The following PEAK1 variants were observed in gnomAD, a reference collection of about 807,000 sequenced individuals.
PEAK1 encodes the protein inactive tyrosine-protein kinase PEAK1.
In PEAK1, 54 loss-of-function variants were observed where a neutral mutation model predicts 124.7. That is an observed-to-expected ratio of 0.43 (90% CI 0.35 to 0.54). The LOEUF is 0.54. Among genes scored for constraint, PEAK1 ranks in the 20% least tolerant of loss-of-function variants. The probability of loss-of-function intolerance (pLI) is 0.01; values close to 1 mark genes in which losing one functional copy is unlikely to be tolerated. For synonymous variants in PEAK1, 719 were observed against 760.0 expected, an observed-to-expected ratio of 0.95 and a Z score of 0.89; for missense variants, 2,046 against 2,134.5, an observed-to-expected ratio of 0.96 and a Z score of 0.82.
At chr15:77,376,392 T>TG (rs1012294095) in intron 1 of PEAK1, among the ~76,000 whole-genome samples, 53 of 151,552 alleles carry the variant, frequency 3.5e-4, no homozygotes, top group Middle Eastern at 6.8e-3. Context: ...GTTAAGGGGG[T>TG]GGGGGGGAAG....
chr15:77,169,046 C>T (rs1487557200), intron 7 of PEAK1, among the ~76,000 whole-genome samples: 1 of 152,132 alleles, frequency 6.6e-6, no homozygotes, highest in Non-Finnish European at 1.5e-5. Flanking sequence ...TTAATGTCTA[C>T]ATTAGATTTT....
rs2060925443 is a variant in PEAK1 at position 77,252,535 on chromosome 15, G to T, written c.-274-9C>A. The T allele has an allele frequency of 1.0e-6, 1 of 981,180 alleles. No homozygotes were observed. Among genetic ancestry groups the T allele is most frequent in the African/African-American group, 1.8e-5 (1 of 56,958 alleles). 60.8% of individuals were successfully genotyped at this position (981,180 alleles called of 1,614,324 possible). On this transcript the variant is annotated splice_polypyrimidine_tract_variant and intron_variant, in intron 5 of 9. Transcript: ENST00000682557. ...GAAGATAGCAATGTTTACTGCAAGA[G>T]AAAAAAAATAGAGCAAAACTGGAGA... is the stretch of plus-strand genomic sequence containing the variant.
chr15:77,378,711 T>C (rs2069233644), intron 1 of PEAK1, among the ~76,000 whole-genome samples: 1 of 151,486 alleles, frequency 6.6e-6, no homozygotes, highest in Non-Finnish European at 1.5e-5. Flanking sequence ...AATAGACATG[T>C]CAAAAACTCA....
intron 2 of PEAK1, among the ~76,000 whole-genome samples, chr15:77,290,832 A>C (rs1176550005): frequency 1.3e-5 from 2 of 152,222 alleles, no homozygotes; most frequent in Non-Finnish European, 2.9e-5. Context: ...ATTCACCCTA[A>C]TACCTTAGTT....
intron 5 of PEAK1, among the ~76,000 whole-genome samples, chr15:77,278,001 T>C (rs932544761): frequency 4.6e-5 from 7 of 152,150 alleles, no homozygotes; most frequent in African/African-American, 1.4e-4. Context: ...ATGTAAACTA[T>C]GGGCTTGGGG....
rs201470516 is a variant in PEAK1, at chr15:77,179,670, T to A, written c.2257A>T (p.Met753Leu). 7.2e-5 allele frequency: 116 copies of A among 1,614,094 alleles called. 1 individual carries two copies. The Admixed American group carries it at 1.9e-3, about 26-fold the overall frequency. Residue 753 changes from methionine (M) to leucine (L), a missense_variant, in exon 7 of 10, where the codon ATG becomes TTG. Met to Leu is a conservative substitution (Grantham distance 15). Transcript: ENST00000682557. ...TCTCTGGTGCTGCTGCTGCCCACCA[T>A]CTGAGACTCCTGAGTGCCTTCTATT... ...AKIEGTQESQ[M>L]VGSSSTREKA...
At chr15:77,229,604 T>C (rs1385921932) in intron 6 of PEAK1, among the ~76,000 whole-genome samples, 1 of 152,146 alleles carries the variant, frequency 6.6e-6, no homozygotes, top group Non-Finnish European at 1.5e-5. Context: ...CTGACCATTT[T>C]TGTTACATGC....
chr15:77,352,624 GAATA>G, intron 2 of PEAK1: 1 of 952,120 alleles, frequency 1.1e-6, no homozygotes, highest in Non-Finnish European at 1.3e-6. Flanking sequence ...CCATACTCAT[GAATA>G]ACTGAATATT....
At chr15:77,263,669 T>C (rs963753727) in intron 5 of PEAK1, among the ~76,000 whole-genome samples, 30 of 152,096 alleles carry the variant, frequency 2.0e-4, no homozygotes, top group African/African-American at 4.3e-4. Flanking sequence ...CGAATTCTAC[T>C]AAAGGTACAA....
At chr15:77,289,484 T>C (rs767369504) in intron 2 of PEAK1, among the ~76,000 whole-genome samples, 25 of 152,352 alleles carry the variant, frequency 1.6e-4, no homozygotes, top group South Asian at 6.2e-4. Context: ...ACAGAGGATT[T>C]CAACTGCAAA....
intron 6 of PEAK1, 138 bp from the exon 7 acceptor site, chr15:77,182,178 G>C: frequency 1.3e-6 from 1 of 748,538 alleles, no homozygotes; most frequent in Non-Finnish European, 1.8e-6. Context: ...ACTAATTTGT[G>C]TACTTTGTAA....
At chr15:77,144,174 G>C (rs889918518) in intron 8 of PEAK1, among the ~76,000 whole-genome samples, 1 of 152,236 alleles carries the variant, frequency 6.6e-6, no homozygotes, top group African/African-American at 2.4e-5. Context: ...GCCAGCTAGA[G>C]AATGAAGTTC....
At chr15:77,335,359 C>T (rs939460660) in intron 2 of PEAK1, 1 of 985,268 alleles carries the variant, frequency 1.0e-6, no homozygotes, top group African/African-American at 1.7e-5. Flanking sequence ...TTTTCCCATT[C>T]ATCTATGTAT....
At position 77,286,448 on chromosome 15, in the gene PEAK1, G is replaced by T. The variant is rs530292859; in HGVS notation, c.-546C>A. On this transcript the variant is annotated 5_prime_UTR_variant, in exon 3 of 10. Transcript: ENST00000682557. ...CTGGTTTAATTGGCTCCAACTCTGG[G>T]CATTATGTTGTTGCTTCCTTTTCTT... 1.2e-4 allele frequency: 146 copies of T among 1,228,668 alleles called. 2 individuals are homozygous for T. The South Asian group carries it at 5.1e-3, about 43-fold the overall frequency. The allele number at this position is 1,228,668 out of a possible 1,614,324, so 76.1% of individuals were successfully genotyped here. A position where few individuals can be genotyped will look rare whatever the true frequency, so the allele number is the denominator to read the frequency against.
chr15:77,230,461 A>G (rs2059862923), intron 6 of PEAK1, among the ~76,000 whole-genome samples: 1 of 152,170 alleles, frequency 6.6e-6, no homozygotes, highest in South Asian at 2.1e-4. Flanking sequence ...GGCCTCTCAA[A>G]GTGCTGGGAT....
rs756732002 is a variant in PEAK1 at position 77,180,220 on chromosome 15, T to G, written c.1707A>C (p.Ala569=). 6.8e-6 allele frequency: 11 copies of G among 1,614,176 alleles called. No homozygotes were observed. The highest frequency in any genetic ancestry group is 1.6e-4 in the Middle Eastern group (1 of 6,062). ...VPPRKNCHKS[A]PTSPTATNIS... ...TGTTTGTAGCTGTGGGTGATGTAGGTGCTGATTTGTGACAGTTTTTCCTTG... is the reference window on the plus strand; with the variant it reads ...TGTTTGTAGCTGTGGGTGATGTAGGGGCTGATTTGTGACAGTTTTTCCTTG... The change falls in exon 7 of 10, where the codon GCA becomes GCC. Residue 569 remains alanine, a synonymous_variant. Transcript: ENST00000682557.
intron 5 of PEAK1, among the ~76,000 whole-genome samples, chr15:77,275,525 G>A (rs1226269026): frequency 6.6e-6 from 1 of 151,902 alleles, no homozygotes; most frequent in African/African-American, 2.4e-5. Flanking sequence ...AGACCATCCT[G>A]GCTAACACGG....
Position 77,133,611 on chromosome 15 carries a change from C to A in PEAK1, c.3471G>T (p.Lys1157Asn). The part of the protein sequence containing the change: ...ASQPTPPPLP[K>N]KMIIRANTEP... ...CTGTATTGGCTCTTATGATCATCTTCTTTGGCAGTGGGGGTGGTGTAGGTT... is the reference window on the plus strand; with the variant it reads ...CTGTATTGGCTCTTATGATCATCTTATTTGGCAGTGGGGGTGGTGTAGGTT... Residue 1157 changes from lysine (K) to asparagine (N), a missense_variant, in exon 9 of 10, where the codon AAG (lysine) becomes AAT (asparagine). Physicochemically the swap from Lys to Asn is moderately conservative, Grantham distance 94. Transcript: ENST00000682557. This position sits in a 1 kb window ranked among gnomAD's most constrained non-coding sequence, Gnocchi z 4.2. The A allele has an allele frequency of 6.2e-7, 1 of 1,614,090 alleles. No individual in the cohort carries two copies. The highest frequency in any genetic ancestry group is 1.3e-5 in the African/African-American group (1 of 75,004).
At chr15:77,347,302 T>C in intron 2 of PEAK1, 1 of 985,018 alleles carries the variant, frequency 1.0e-6, no homozygotes, top group Non-Finnish European at 1.2e-6. Context: ...TTTGGACTAG[T>C]AATGACCACC....
Sources: gnomAD v4.1 joint callset for allele counts (sites outside exome capture counted in the v4.1 genomes callset) on GRCh38, gnomAD v4.1.1 for gene constraint, Gnocchi (gnomAD v3.1) non-coding constraint, MANE v1.5 for transcripts, NCBI Gene and HGNC (gene_info 2026-07-23, HGNC 2026-07-21) for gene names.